MMS22L: variants seen among roughly 807,000 people sequenced by gnomAD.
The protein encoded by MMS22L is protein MMS22-like.
A neutral mutation model predicts 159.1 loss-of-function variants in MMS22L; 74 were observed. The observed-to-expected ratio is 0.47, with a 90% CI of 0.39 to 0.56. The LOEUF (loss-of-function observed/expected upper bound fraction) is 0.56, where lower values mean the gene tolerates loss of function less well. Among genes scored for constraint, MMS22L ranks in the 20% least tolerant of loss-of-function variants. The pLI is 0.00. For synonymous variants in MMS22L, 517 were observed against 506.9 expected (o/e 1.02, Z -0.27); for missense variants, 1,351 against 1,422.1 (o/e 0.95, Z 0.80).
chr6:97,212,015 G>A (rs1315114047), intron 14 of MMS22L, among the ~76,000 whole-genome samples: 1 of 152,066 alleles, frequency 6.6e-6, no homozygotes, highest in Non-Finnish European at 1.5e-5. Flanking sequence ...TTTTATGTAG[G>A]GCAATCTCAG....
intron 10 of MMS22L, among the ~76,000 whole-genome samples, chr6:97,248,991 TAGAG>T (rs1157120870): frequency 6.6e-6 from 1 of 151,970 alleles, no homozygotes; most frequent in Non-Finnish European, 1.5e-5. Context: ...AACTATGTGA[TAGAG>T]AGTGAAGGCT....
At chr6:97,260,527 C>G (rs36106471) in intron 9 of MMS22L, 3 of 152,130 alleles carry the variant, frequency 2.0e-5, no homozygotes, top group Non-Finnish European at 4.4e-5. Context: ...CATCCATCCC[C>G]GGTTTTCTGT....
intron 11 of MMS22L, among the ~76,000 whole-genome samples, chr6:97,239,702 C>T (rs1007257764): frequency 1.3e-5 from 2 of 152,092 alleles, no homozygotes; most frequent in Non-Finnish European, 2.9e-5. Context: ...TTCCTTGAGG[C>T]CAATAATTCA....
chr6:97,264,313 T>G (rs926154905), intron 8 of MMS22L: 1 of 152,102 alleles, frequency 6.6e-6, no homozygotes, highest in Non-Finnish European at 1.5e-5. Flanking sequence ...CAAGACAGAA[T>G]GAATACAGTT....
chr6:97,235,955 T>C (rs973862268), intron 11 of MMS22L, among the ~76,000 whole-genome samples: 1 of 152,140 alleles, frequency 6.6e-6, no homozygotes, highest in African/African-American at 2.4e-5. Flanking sequence ...ACCTGACCAA[T>C]TCTATTTTTC....
chr6:97,234,003 G>A (rs182955791), intron 11 of MMS22L, 23 bp from the exon 12 acceptor site: 31 of 1,602,598 alleles, frequency 1.9e-5, no homozygotes, highest in Admixed American at 3.5e-5. Flanking sequence ...CTGAAGTTAT[G>A]AGAAGGTAAA....
chr6:97,221,967 A>T (rs1236488718), intron 14 of MMS22L, among the ~76,000 whole-genome samples: 1 of 152,098 alleles, frequency 6.6e-6, no homozygotes, highest in Non-Finnish European at 1.5e-5. Flanking sequence ...AACACCCAAT[A>T]ACAAAAGGAA....
intron 9 of MMS22L, among the ~76,000 whole-genome samples, chr6:97,256,068 T>C (rs1813774376): frequency 6.6e-6 from 1 of 152,126 alleles, no homozygotes; most frequent in Non-Finnish European, 1.5e-5. Flanking sequence ...ATATATTTAG[T>C]TTTAAATCTA....
At position 97,254,580 on chromosome 6, in the gene MMS22L, G is replaced by A. The variant is rs773047071; in HGVS notation, c.1096C>T (p.Arg366Cys). 30 of 1,612,974 alleles carry A rather than the reference G, an allele frequency of 1.9e-5. No homozygotes were observed. Among genetic ancestry groups the A allele is most frequent in the Non-Finnish European group, 2.4e-5 (28 of 1,179,596 alleles). ...ACCATTTCATCTGGTACTCCATGGC[G>A]ATCAAACTTGTAAAATGATGCTACA... is the stretch of plus-strand genomic sequence containing the variant. ...THVASFYKFD[R>C]HGVPDEMRKV... Residue 366 changes from arginine (R) to cysteine (C), a missense_variant, in exon 10 of 25, where the codon CGC becomes TGC. By Grantham distance (180) the Arg-to-Cys change is radical. Transcript: ENST00000683635.
intron 18 of MMS22L, 101 bp downstream of exon 18, chr6:97,178,342 T>G: frequency 1.1e-6 from 1 of 905,548 alleles, no homozygotes; most frequent in East Asian, 2.7e-5. Flanking sequence ...TGATTCAATT[T>G]ATAAGAATTC....
chr6:97,264,259 T>C (rs1395054209), intron 8 of MMS22L: 3 of 152,150 alleles, frequency 2.0e-5, no homozygotes, highest in Non-Finnish European at 4.4e-5. Context: ...ATGAAAAGAT[T>C]AGAAAATAAA....
intron 22 of MMS22L, among the ~76,000 whole-genome samples, chr6:97,161,322 C>A (rs765810287): frequency 6.6e-6 from 1 of 152,014 alleles, no homozygotes; most frequent in African/African-American, 2.4e-5. Flanking sequence ...AGCTGTTAAG[C>A]TCCACTAATT....
At chr6:97,283,904 C>G (rs1211041756), upstream of MMS22L, among the ~76,000 whole-genome samples, 3 of 152,120 alleles carry the variant, frequency 2.0e-5, no homozygotes, top group Non-Finnish European at 2.9e-5. Flanking sequence ...TTGAAATACT[C>G]TAAATATTTG....
At chr6:97,162,190 T>C in intron 21 of MMS22L, 25 bp from the exon 22 acceptor site, 1 of 1,578,794 alleles carries the variant, frequency 6.3e-7, no homozygotes, top group South Asian at 1.2e-5. Flanking sequence ...AATTTGTTTA[T>C]TCTCTGCTTA....
intron 15 of MMS22L, among the ~76,000 whole-genome samples, chr6:97,185,852 T>C (rs1446215316): frequency 6.6e-6 from 1 of 152,130 alleles, no homozygotes; most frequent in African/African-American, 2.4e-5. Flanking sequence ...TCTATTCCAA[T>C]ACTTCTTAAC....
chr6:97,274,135 T>C, intron 4 of MMS22L, among the ~76,000 whole-genome samples: 1 of 152,174 alleles, frequency 6.6e-6, no homozygotes, highest in East Asian at 1.9e-4. Flanking sequence ...AGAGAATGAG[T>C]AAGAGACAAT....
rs372310174 is a variant in MMS22L at position 97,200,193 on chromosome 6, GTA to G, written c.2040-13505_2040-13504del. Among the ~76,000 whole-genome samples the G allele has an allele frequency of 2.6e-4, 39 of 152,206 alleles. 2 individuals are homozygous for G. Among genetic ancestry groups the G allele is most frequent in the African/African-American group, 8.7e-4 (36 of 41,572 alleles). On this transcript the variant is annotated intron_variant, in intron 14 of 24. Transcript: ENST00000683635. ...GATCAATTATGAAAATCATCAAAAA[GTA>G]TAAGCTCGTTTAGAATAATATCATA...
At chr6:97,194,332 A>G (rs1421991992) in intron 14 of MMS22L, among the ~76,000 whole-genome samples, 2 of 152,198 alleles carry the variant, frequency 1.3e-5, no homozygotes, top group Non-Finnish European at 2.9e-5. Context: ...CTGGGATTCT[A>G]GGCGTTAGCC....
intron 11 of MMS22L, among the ~76,000 whole-genome samples, chr6:97,244,670 G>C (rs1393409538): frequency 1.3e-5 from 2 of 152,190 alleles, no homozygotes; most frequent in Non-Finnish European, 2.9e-5. Context: ...TCAGCTTTGA[G>C]ACCTGGACTG....
Sources: gnomAD v4.1 joint callset for allele counts (sites outside exome capture counted in the v4.1 genomes callset) on GRCh38, gnomAD v4.1.1 for gene constraint, MANE v1.5 for transcripts, NCBI Gene and HGNC (gene_info 2026-07-23, HGNC 2026-07-21) for gene names.